The following CACNA1B variants were observed in gnomAD, a reference collection of about 807,000 sequenced individuals.
CACNA1B encodes the protein voltage-dependent N-type calcium channel subunit alpha-1B.
A neutral mutation model predicts 247.2 loss-of-function variants in CACNA1B; 70 were observed. That is an observed-to-expected ratio of 0.28 (90% CI 0.23 to 0.35). The LOEUF (loss-of-function observed/expected upper bound fraction) is 0.35, where lower values mean the gene tolerates loss of function less well. CACNA1B is among the 10% of genes least tolerant of loss of function. CACNA1B has a pLI of 1.00. For missense variants in CACNA1B, 2,367 were observed against 3,197.4 expected (o/e 0.74, Z 6.26); for synonymous variants, 1,231 against 1,294.4 (o/e 0.95, Z 1.05).
In CACNA1B at chr9:138,013,173, G is replaced by A; in HGVS notation, c.2205G>A (p.Leu735=). The change falls in exon 18 of 47, where the codon CTG becomes CTA. Residue 735 remains leucine, a synonymous_variant. Coordinates refer to ENST00000371372, the MANE Select transcript of CACNA1B (RefSeq NM_000718.4). ...MEEAANQKLA[L]QKAKEVAEVS... ...AAGCAGCCAATCAGAAGCTTGCTCT[G>A]CAAAAGGCCAAAGAAGTGGCTGAAG... The A allele has an allele frequency of 6.2e-7, 1 of 1,611,918 alleles. No homozygotes were observed. The highest frequency in any genetic ancestry group is 8.5e-7 in the Non-Finnish European group (1 of 1,179,124).
chr9:137,901,741 G>A (rs892604505), intron 3 of CACNA1B, among the ~76,000 whole-genome samples: 6 of 145,744 alleles, frequency 4.1e-5, no homozygotes, highest in Non-Finnish European at 8.9e-5. Context: ...CCAGGCTAGA[G>A]TGCAGTGGTG....
chr9:138,053,764 T>G (rs1589099037), intron 25 of CACNA1B, 82 bp from the exon 26 acceptor site: 9 of 937,692 alleles, frequency 9.6e-6, no homozygotes, highest in East Asian at 3.2e-5. Flanking sequence ...CCCCTCCCCG[T>G]GACCCTACCC....
chr9:138,079,203 A>G (rs1286256785), intron 36 of CACNA1B, among the ~76,000 whole-genome samples: 1 of 152,132 alleles, frequency 6.6e-6, no homozygotes, highest in Non-Finnish European at 1.5e-5. Context: ...TCTGAGTTTT[A>G]ACAAGCTCTC....
intron 12 of CACNA1B, among the ~76,000 whole-genome samples, chr9:137,983,453 C>T (rs142311349): frequency 7.7e-4 from 117 of 152,262 alleles, no homozygotes; most frequent in African/African-American, 2.6e-3. Context: ...CTGACCAGGA[C>T]GGCCCTCCTC....
rs7038121 is a variant in CACNA1B, at chr9:137,888,409, C to T, written c.530+5526C>T. On this transcript the variant is annotated intron_variant, in intron 3 of 46. Coordinates refer to ENST00000371372, the MANE Select transcript of CACNA1B (RefSeq NM_000718.4). The surrounding 1 kb of genome is among the most constrained non-coding windows in gnomAD (Gnocchi z 4.7). ...CTCTGGCCCTGTGGGGCTGGTTGCA[C>T]CTGGGGGTCAGGGACATGGGCAGGG... Among the ~76,000 whole-genome samples the T allele has an allele frequency of 0.028, 4,292 of 152,248 alleles. 215 individuals carry two copies. The highest frequency in any genetic ancestry group is 0.098 in the African/African-American group (4,064 of 41,518).
At chr9:138,067,757 C>T (rs1959970474) in intron 31 of CACNA1B, among the ~76,000 whole-genome samples, 1 of 152,200 alleles carries the variant, frequency 6.6e-6, no homozygotes, top group South Asian at 2.1e-4. Flanking sequence ...AGCACAGCAT[C>T]TGGGAGGGCT....
At chr9:137,909,852 C>T (rs1260779426) in intron 3 of CACNA1B, among the ~76,000 whole-genome samples, 1 of 152,024 alleles carries the variant, frequency 6.6e-6, no homozygotes, top group Non-Finnish European at 1.5e-5. Context: ...CTCACTGCAA[C>T]CTCCACCTCT....
chr9:138,003,211 G>T (rs1435978665), intron 15 of CACNA1B, among the ~76,000 whole-genome samples: 1 of 146,594 alleles, frequency 6.8e-6, no homozygotes, highest in Non-Finnish European at 1.5e-5. Flanking sequence ...TGGAGATGGG[G>T]TCTTGCTCTA....
At chr9:137,894,302 ATTTT>A (rs56794355) in intron 3 of CACNA1B, among the ~76,000 whole-genome samples, 2 of 96,072 alleles carry the variant, frequency 2.1e-5, no homozygotes, top group Non-Finnish European at 2.3e-5. Flanking sequence ...TTGTCTCTGT[ATTTT>A]TTTTTTTTTT....
Position 138,057,704 on chromosome 9 carries a change from C to T in CACNA1B, c.3969-28C>T. The T allele has an allele frequency of 6.3e-7, 1 of 1,586,758 alleles. No homozygotes were observed. The highest frequency in any genetic ancestry group is 8.6e-7 in the Non-Finnish European group (1 of 1,158,948). Reference sequence around the variant, plus strand: ...TTTATTTGGATCTTTTGTCTTTGCCCTCTAACCTCCCATGTTCTCATTCCT... The same window carrying T: ...TTTATTTGGATCTTTTGTCTTTGCCTTCTAACCTCCCATGTTCTCATTCCT... On this transcript the variant is annotated intron_variant, in intron 26 of 46. Transcript: ENST00000371372. The surrounding 1 kb of genome is among the most constrained non-coding windows in gnomAD (Gnocchi z 4.0).
chr9:137,941,223 C>T (rs1957729285), intron 6 of CACNA1B, among the ~76,000 whole-genome samples: 1 of 152,154 alleles, frequency 6.6e-6, no homozygotes, highest in African/African-American at 2.4e-5. Flanking sequence ...AGCAAAGTTT[C>T]CAGATACATA....
At position 138,075,806 on chromosome 9, in the gene CACNA1B, T is replaced by C. The variant is rs200198600; in HGVS notation, c.4858-13T>C. ...CCCAGCAGGGTCCGTGCCATTGCTC[T>C]TCTCCATTGCAGGTGTTTGGGAATA... On this transcript the variant is annotated splice_polypyrimidine_tract_variant and intron_variant, in intron 34 of 46. Coordinates refer to ENST00000371372, the MANE Select transcript of CACNA1B (RefSeq NM_000718.4). The C allele has an allele frequency of 7.0e-6, 11 of 1,578,688 alleles. No individual in the cohort carries two copies. Among genetic ancestry groups the C allele is most frequent in the Non-Finnish European group, 9.6e-6 (11 of 1,151,058 alleles).
intron 15 of CACNA1B, among the ~76,000 whole-genome samples, chr9:138,001,901 C>T (rs1244100043): frequency 2.0e-5 from 3 of 152,076 alleles, no homozygotes; most frequent in African/African-American, 4.8e-5. Flanking sequence ...CATTCAAGGC[C>T]TTAAGGAGCT....
At position 138,059,150 on chromosome 9, in the gene CACNA1B, C is replaced by T. The variant is rs202125947; in HGVS notation, c.4545C>T (p.Ser1515=). 11 of 1,612,608 alleles carry T rather than the reference C, an allele frequency of 6.8e-6. No individual in the cohort carries two copies. Among genetic ancestry groups the T allele is most frequent in the Middle Eastern group, 1.7e-4 (1 of 6,060 alleles). ...ACATCGTGTTCACATCCATGTTCTC[C>T]ATGGAATGCGTGCTGAAGATCATCG... The part of the protein sequence containing the change: ...CLNIVFTSMF[S]MECVLKIIAF... The change falls in exon 30 of 47, where the codon TCC becomes TCT. Residue 1515 remains serine (S), a synonymous_variant. Transcript: ENST00000371372. This position sits in a 1 kb window ranked among gnomAD's most constrained non-coding sequence, Gnocchi z 4.2.
In CACNA1B at chr9:137,984,277, G is replaced by A. The variant is rs571757886; in HGVS notation, c.1769+27G>A. 1.3e-5 allele frequency: 19 copies of A among 1,496,752 alleles called. No homozygotes were observed. In the Admixed American group the frequency reaches 1.6e-4, roughly 12 times the overall value. 92.7% of individuals were successfully genotyped at this position (1,496,752 alleles called of 1,614,324 possible). A position where few individuals can be genotyped will look rare whatever the true frequency, so the allele number is the denominator to read the frequency against. On this transcript the variant is annotated intron_variant, in intron 13 of 46. Transcript: ENST00000371372. ...TACGTCCCCTGCGCTCCCAGGCGAG[G>A]GCAGGTGTAGGGTGGAGAGGGCGTG... is the stretch of plus-strand genomic sequence containing the variant.
At position 137,891,402 on chromosome 9, in the gene CACNA1B, C is replaced by T. The variant is rs1957097177; in HGVS notation, c.530+8519C>T. On this transcript the variant is annotated intron_variant, in intron 3 of 46. Transcript: ENST00000371372. This position sits in a 1 kb window ranked among gnomAD's most constrained non-coding sequence, Gnocchi z 4.3. ...TGGCCTCCGGTCCAGGCTCGGGCTC[C>T]AGGTGCTCACTGGGGCTGCTGTGTT... 2 of 153,474 alleles carry T rather than the reference C, an allele frequency of 1.3e-5. No individual in the cohort carries two copies. Among genetic ancestry groups the T allele is most frequent in the Admixed American group, 6.5e-5 (1 of 15,326 alleles). The allele number at this position is 153,474 out of a possible 1,614,324, so 9.5% of individuals were successfully genotyped here.
At chr9:138,002,807 CT>C (rs1319945601) in intron 15 of CACNA1B, among the ~76,000 whole-genome samples, 2 of 150,786 alleles carry the variant, frequency 1.3e-5, no homozygotes, top group African/African-American at 4.9e-5. Context: ...CTTTTCTTTT[CT>C]TTTCTTTTTT....
At chr9:137,951,275 T>G (rs547648342) in intron 6 of CACNA1B, among the ~76,000 whole-genome samples, 20 of 152,334 alleles carry the variant, frequency 1.3e-4, no homozygotes, top group African/African-American at 4.3e-4. Context: ...CTGGAATCAG[T>G]GTCCAAGGGT....
Position 138,039,306 on chromosome 9 carries a change from C to A in CACNA1B, c.3287-4468C>A, listed in dbSNP as rs182119827. Among the ~76,000 whole-genome samples, 5 of 151,282 alleles carry A rather than the reference C, an allele frequency of 3.3e-5. No individual in the cohort carries two copies. In the East Asian group the frequency reaches 9.6e-4, roughly 29 times the overall value. ...TTTAATCTCACTTTTGTATTTATCT[C>A]TTTTCTTCTATCCTGAAACTGTCTT... On this transcript the variant is annotated intron_variant, in intron 20 of 46. Transcript: ENST00000371372.
Sources: allele counts gnomAD v4.1 joint callset (sites outside exome capture counted in the v4.1 genomes callset), GRCh38; gene constraint gnomAD v4.1.1; non-coding constraint Gnocchi (gnomAD v3.1); transcripts MANE v1.5; gene names NCBI Gene and HGNC (gene_info 2026-07-23, HGNC 2026-07-21).